SUPT3H: variants seen among roughly 807,000 people sequenced by gnomAD.
SUPT3H encodes transcription initiation protein SPT3 homolog.
In SUPT3H, 44 loss-of-function variants were observed where a neutral mutation model predicts 44.3. That is an observed-to-expected ratio of 0.99 (90% CI 0.78 to 1.28). SUPT3H has a LOEUF of 1.28. Ranked by LOEUF, SUPT3H falls within the 50% of genes most tolerant of loss-of-function variation. The pLI is 0.00. For missense variants in SUPT3H, 380 were observed against 387.1 expected (o/e 0.98, Z 0.15); for synonymous variants, 124 against 125.6 (o/e 0.99, Z 0.09).
At chr6:44,930,175 G>A (rs1263673888) in intron 10 of SUPT3H, among the ~76,000 whole-genome samples, 4 of 151,976 alleles carry the variant, frequency 2.6e-5, no homozygotes, top group Non-Finnish European at 4.4e-5. Context: ...TCAGGAGATC[G>A]AGACCATCCT....
At chr6:45,237,787 A>G (rs971241932) in intron 2 of SUPT3H, among the ~76,000 whole-genome samples, 1 of 152,150 alleles carries the variant, frequency 6.6e-6, no homozygotes, top group African/African-American at 2.4e-5. Context: ...TTTTCCCCTT[A>G]GAATTCTCCA....
At chr6:45,158,298 A>ATATATTTTTTTTTTTTTT in intron 2 of SUPT3H, among the ~76,000 whole-genome samples, 1 of 99,694 alleles carries the variant, frequency 1.0e-5, no homozygotes, top group African/African-American at 5.0e-5. Flanking sequence ...ATATATATAT[A>ATATATTTTTTTTTTTTTT]TTTTTTTTTT....
intron 2 of SUPT3H, among the ~76,000 whole-genome samples, chr6:45,176,558 T>G (rs1584039390): frequency 1.3e-5 from 2 of 152,094 alleles, no homozygotes; most frequent in African/African-American, 4.8e-5. Flanking sequence ...AAGCTCGAAC[T>G]GGGTGGAGCC....
intron 2 of SUPT3H, among the ~76,000 whole-genome samples, chr6:45,119,022 A>C (rs182165193): frequency 8.5e-5 from 13 of 152,296 alleles, no homozygotes; most frequent in African/African-American, 2.9e-4. Context: ...GTTATCATAG[A>C]TCAGCTGGCA....
chr6:45,279,989 A>T (rs571175266), intron 2 of SUPT3H, among the ~76,000 whole-genome samples: 9 of 152,322 alleles, frequency 5.9e-5, no homozygotes, highest in African/African-American at 2.2e-4. Context: ...AAGAACAACA[A>T]CTTTTGAGTC....
intron 2 of SUPT3H, among the ~76,000 whole-genome samples, chr6:45,145,299 G>A (rs1445599466): frequency 6.6e-6 from 1 of 152,018 alleles, no homozygotes; most frequent in Non-Finnish European, 1.5e-5. Context: ...GAAACAACAT[G>A]GTACTGCTAT....
chr6:45,209,297 C>T lies in SUPT3H; in HGVS notation c.102-103291G>A, dbSNP rs535278125. Among the ~76,000 whole-genome samples, 96 of 152,228 alleles carry T rather than the reference C, an allele frequency of 6.3e-4. No individual in the cohort carries two copies. In the Middle Eastern group the frequency reaches 0.017, roughly 27 times the overall value. Reference sequence around the variant, plus strand: ...GCTACAGTTGCCACAGATAGTGATTCCTCTGACAGATGTGGGCAAAGTAAG... The same window carrying T: ...GCTACAGTTGCCACAGATAGTGATTTCTCTGACAGATGTGGGCAAAGTAAG... On this transcript the variant is annotated intron_variant, in intron 2 of 10. Transcript: ENST00000371459.
intron 2 of SUPT3H, among the ~76,000 whole-genome samples, chr6:45,303,671 T>TAAAAA (rs36119324): frequency 3.5e-5 from 4 of 113,008 alleles, no homozygotes; most frequent in Non-Finnish European, 5.5e-5. Flanking sequence ...ATTCTAGAAG[T>TAAAAA]AAAAAAAAAA....
At chr6:45,274,673 G>C (rs1776729786) in intron 2 of SUPT3H, among the ~76,000 whole-genome samples, 1 of 152,154 alleles carries the variant, frequency 6.6e-6, no homozygotes, top group African/African-American at 2.4e-5. Flanking sequence ...TTGAGCCCAG[G>C]AGTTTGAGAC....
At chr6:44,894,820 G>A (rs1470059121) in intron 10 of SUPT3H, among the ~76,000 whole-genome samples, 4 of 151,608 alleles carry the variant, frequency 2.6e-5, no homozygotes, top group South Asian at 4.1e-4. Flanking sequence ...ATAAGCATGA[G>A]TGTTTCATAG....
chr6:45,215,468 C>T (rs1472256010), intron 2 of SUPT3H, among the ~76,000 whole-genome samples: 1 of 151,810 alleles, frequency 6.6e-6, no homozygotes, highest in East Asian at 1.9e-4. Context: ...ATGTGATCTA[C>T]AAGAAAAATT....
intron 6 of SUPT3H, among the ~76,000 whole-genome samples, chr6:44,997,033 A>C (rs146568823): frequency 6.6e-6 from 1 of 151,860 alleles, no homozygotes; most frequent in African/African-American, 2.4e-5. Flanking sequence ...TGACTGTCGT[A>C]GTTTCATGGA....
At chr6:44,942,555 A>G (rs930420608) in intron 9 of SUPT3H, among the ~76,000 whole-genome samples, 8 of 152,178 alleles carry the variant, frequency 5.3e-5, no homozygotes, top group African/African-American at 1.9e-4. Flanking sequence ...ACAGAATAGA[A>G]AAAGGGGGAG....
rs1768481231 is a variant in SUPT3H at position 45,233,571 on chromosome 6, C to A, written c.102-127565G>T. On this transcript the variant is annotated intron_variant, in intron 2 of 10. Transcript: ENST00000371459. ...TGAGGTTCTCTCACTTACTCTTTCA[C>A]CACAATATCAAGCCCCTATGGGCTC... 2.6e-5 allele frequency among the ~76,000 whole-genome samples: 4 copies of A among 152,336 alleles called. No homozygotes were observed. In the South Asian group the frequency reaches 8.3e-4, roughly 32 times the overall value.
chr6:45,028,236 A>C (rs1786335164), intron 3 of SUPT3H, among the ~76,000 whole-genome samples: 1 of 152,194 alleles, frequency 6.6e-6, no homozygotes, highest in Non-Finnish European at 1.5e-5. Flanking sequence ...AAGTAAAGTT[A>C]TACTATTTTG....
chr6:45,306,190 C>T (rs1204156781), intron 2 of SUPT3H, among the ~76,000 whole-genome samples: 1 of 152,206 alleles, frequency 6.6e-6, no homozygotes, highest in East Asian at 1.9e-4. Context: ...ACACACATCA[C>T]AAACTAGTAC....
intron 8 of SUPT3H, among the ~76,000 whole-genome samples, chr6:44,954,027 C>T (rs1031473370): frequency 3.9e-5 from 6 of 152,130 alleles, no homozygotes; most frequent in South Asian, 2.1e-4. Context: ...CAAGAGCCAC[C>T]GCGCCTGGCC....
intron 9 of SUPT3H, among the ~76,000 whole-genome samples, chr6:44,949,505 C>T (rs1163208700): frequency 2.6e-5 from 4 of 151,054 alleles, no homozygotes; most frequent in African/African-American, 9.7e-5. Flanking sequence ...TCTCAGCTAA[C>T]AAACTGAGAG....
intron 11 of SUPT3H, among the ~76,000 whole-genome samples, chr6:44,820,310 TTTC>T (rs995795017): frequency 2.0e-5 from 3 of 152,216 alleles, no homozygotes; most frequent in African/African-American, 7.2e-5. Context: ...AGTGGTCAAA[TTTC>T]TTATTTTGTT....
Sources: gnomAD v4.1 joint callset for allele counts (sites outside exome capture counted in the v4.1 genomes callset) on GRCh38, gnomAD v4.1.1 for gene constraint, MANE v1.5 for transcripts, NCBI Gene and HGNC (gene_info 2026-07-23, HGNC 2026-07-21) for gene names.